The following CAB39L variants were observed in gnomAD, a reference collection of about 807,000 sequenced individuals.
CAB39L encodes the protein calcium binding protein 39 like.
In CAB39L, 23 loss-of-function variants were observed where a neutral mutation model predicts 39.1. The ratio of observed to expected loss-of-function variants is 0.59; its 90% confidence interval spans 0.42 to 0.83. The LOEUF is 0.83. Ranked by LOEUF, CAB39L falls within the 40% of genes least tolerant of loss-of-function variation. The pLI is 0.00. For synonymous variants in CAB39L, 126 were observed against 137.2 expected (o/e 0.92, Z 0.57); for missense variants, 366 against 391.9 (o/e 0.93, Z 0.56).
chr13:49,346,124 T>TATATATATATATATATATATATATATA (rs71076079), intron 7 of CAB39L, among the ~76,000 whole-genome samples: 14 of 116,770 alleles, frequency 1.2e-4, no homozygotes, highest in East Asian at 9.3e-4. Context: ...TATATATATA[T>TATATATATATATATATATATATATATA]CATGGATACA....
intron 6 of CAB39L, 159 bp from the exon 7 acceptor site, chr13:49,351,071 C>G (rs769450454): frequency 1.1e-5 from 5 of 456,674 alleles, no homozygotes; most frequent in Non-Finnish European, 1.5e-5. Context: ...ATGTGCCTGG[C>G]ACTATTGCAG....
chr13:49,421,660 C>T (rs780938212), intron 3 of CAB39L, among the ~76,000 whole-genome samples: 5 of 152,050 alleles, frequency 3.3e-5, no homozygotes, highest in Non-Finnish European at 7.4e-5. Flanking sequence ...CATCAGAGAG[C>T]AGTAATAAGG....
rs779450983 is a variant in CAB39L, at chr13:49,331,957, T to C, written c.824A>G (p.His275Arg). ...KSPNIQFEAF[H>R]VFKVFVASPH... ...GCTTGTACTTTTTACCTTAAAAACATGAAAGGCTTCAAACTGGATGTTGGG... is the reference window on the plus strand; with the variant it reads ...GCTTGTACTTTTTACCTTAAAAACACGAAAGGCTTCAAACTGGATGTTGGG... The change falls in exon 10 of 11, where the codon CAT becomes CGT. Residue 275 changes from histidine (H) to arginine (R), a missense_variant. Transcript: ENST00000409308. 1 of 1,614,108 alleles carries C rather than the reference T, an allele frequency of 6.2e-7. No individual in the cohort carries two copies. The highest frequency in any genetic ancestry group is 2.2e-5 in the East Asian group (1 of 44,888).
chr13:49,392,708 C>T (rs1021138369), intron 3 of CAB39L, among the ~76,000 whole-genome samples: 2 of 151,504 alleles, frequency 1.3e-5, no homozygotes, highest in East Asian at 3.9e-4. Flanking sequence ...TAAAAGATAG[C>T]TACTGACAGA....
chr13:49,420,749 CT>C (rs1957158089), intron 3 of CAB39L, among the ~76,000 whole-genome samples: 1 of 152,152 alleles, frequency 6.6e-6, no homozygotes, highest in Admixed American at 6.5e-5. Flanking sequence ...ATTATTCTAA[CT>C]TTATTAGAAA....
chr13:49,317,622 T>C (rs188109874), intron 10 of CAB39L, among the ~76,000 whole-genome samples: 18 of 152,130 alleles, frequency 1.2e-4, no homozygotes, highest in African/African-American at 4.1e-4. Context: ...TTACTCTAAA[T>C]AAAAAGTAAA....
intron 9 of CAB39L, among the ~76,000 whole-genome samples, chr13:49,333,823 C>T (rs766596871): frequency 1.3e-5 from 2 of 151,914 alleles, no homozygotes; most frequent in Non-Finnish European, 2.9e-5. Context: ...CCATCCGCCT[C>T]GGCCTCTCAA....
At chr13:49,427,679 AC>A (rs1322101620) in intron 3 of CAB39L, among the ~76,000 whole-genome samples, 1 of 152,136 alleles carries the variant, frequency 6.6e-6, no homozygotes, top group Non-Finnish European at 1.5e-5. Context: ...ACAGAGCAAG[AC>A]CCTAGCTCAA....
At chr13:49,312,259 CA>C (rs1566398532) in intron 10 of CAB39L, among the ~76,000 whole-genome samples, 1 of 152,186 alleles carries the variant, frequency 6.6e-6, no homozygotes, top group South Asian at 2.1e-4. Context: ...GTAGTCTAAG[CA>C]GTGTTTATGA....
In CAB39L at chr13:49,348,499, C is replaced by G. The variant is rs536821818; in HGVS notation, c.564+2245G>C. On this transcript the variant is annotated intron_variant, in intron 7 of 10. Transcript: ENST00000409308. ...GGGAGGATCACCTGAGCCTGGGAGGCTGAGGCTGCAATGAGCTGAGATTGC... is the reference window on the plus strand; with the variant it reads ...GGGAGGATCACCTGAGCCTGGGAGGGTGAGGCTGCAATGAGCTGAGATTGC... 4.6e-5 allele frequency among the ~76,000 whole-genome samples: 7 copies of G among 152,224 alleles called. No individual in the cohort carries two copies. In the South Asian group the frequency reaches 1.4e-3, roughly 32 times the overall value.
intron 10 of CAB39L, among the ~76,000 whole-genome samples, chr13:49,316,706 G>A (rs563297893): frequency 1.6e-4 from 25 of 152,326 alleles, no homozygotes; most frequent in African/African-American, 6.0e-4. Flanking sequence ...CACATGTACT[G>A]GGTTAAACTG....
Position 49,385,553 on chromosome 13 carries a change from C to T in CAB39L, c.-31-2612G>A, listed in dbSNP as rs7338684. Among the ~76,000 whole-genome samples the T allele has an allele frequency of 5.3e-5, 8 of 152,216 alleles. No homozygotes were observed. The East Asian group carries it at 1.2e-3, about 22-fold the overall frequency. On this transcript the variant is annotated intron_variant, in intron 3 of 10. Coordinates refer to ENST00000409308, the MANE Select transcript of CAB39L (RefSeq NM_001079670.3). ...AAAGGCCTAGCTTTCAGCCTACCTCCGCTCTGGATATGCCTTCCTCACTAA... is the reference window on the plus strand; with the variant it reads ...AAAGGCCTAGCTTTCAGCCTACCTCTGCTCTGGATATGCCTTCCTCACTAA...
chr13:49,370,139 CCACTGAATGGATTAGTGA>C (rs1481280456), intron 5 of CAB39L, among the ~76,000 whole-genome samples: 1 of 151,810 alleles, frequency 6.6e-6, no homozygotes, highest in Non-Finnish European at 1.5e-5. Context: ...TGAGGGGTAG[CCACTGAATGGATTAGTGA>C]GGGATCTTGC....
chr13:49,396,631 C>A (rs952584954), intron 3 of CAB39L, among the ~76,000 whole-genome samples: 3 of 151,894 alleles, frequency 2.0e-5, no homozygotes, highest in African/African-American at 4.8e-5. Flanking sequence ...TCACTTGAAC[C>A]CAGAAGGCGG....
intron 1 of CAB39L, among the ~76,000 whole-genome samples, chr13:49,442,394 G>C (rs1020691060): frequency 6.6e-6 from 1 of 152,130 alleles, no homozygotes; most frequent in South Asian, 2.1e-4. Flanking sequence ...TCTTAGAAAA[G>C]GTCAAAAGGT....
chr13:49,316,962 G>A (rs1954175072), intron 10 of CAB39L, among the ~76,000 whole-genome samples: 1 of 152,128 alleles, frequency 6.6e-6, no homozygotes, highest in Admixed American at 6.6e-5. Flanking sequence ...AGGACCTCTG[G>A]CAACCACCAG....
At chr13:49,362,550 G>A (rs1392184421) in intron 5 of CAB39L, among the ~76,000 whole-genome samples, 1 of 151,484 alleles carries the variant, frequency 6.6e-6, no homozygotes, top group East Asian at 1.9e-4. Context: ...GCAGTTAGAG[G>A]AGACAAAAGA....
At chr13:49,339,125 C>CT (rs1215081648) in intron 9 of CAB39L, among the ~76,000 whole-genome samples, 1,146 of 99,864 alleles carry the variant, frequency 0.011, 16 homozygotes, top group East Asian at 0.018. Context: ...TTTTACATGT[C>CT]TTTTTTTTTT....
At chr13:49,396,404 C>A (rs73186892) in intron 3 of CAB39L, among the ~76,000 whole-genome samples, 2 of 151,746 alleles carry the variant, frequency 1.3e-5, no homozygotes, top group Non-Finnish European at 2.9e-5. Flanking sequence ...ATAAACCTAC[C>A]ACCACATAAA....
Sources: allele counts gnomAD v4.1 joint callset (sites outside exome capture counted in the v4.1 genomes callset), GRCh38; gene constraint gnomAD v4.1.1; transcripts MANE v1.5; gene names NCBI Gene and HGNC (gene_info 2026-07-23, HGNC 2026-07-21).